Variants in PTPRB observed in about 807,000 individuals in gnomAD.
PTPRB encodes the protein receptor-type tyrosine-protein phosphatase beta.
Under a neutral mutation model 238.1 loss-of-function variants are expected in PTPRB, and 97 were observed. The ratio of observed to expected loss-of-function variants is 0.41; its 90% confidence interval spans 0.35 to 0.48. PTPRB has a LOEUF of 0.48. Among genes scored for constraint, PTPRB ranks in the 20% least tolerant of loss-of-function variants. The probability of loss-of-function intolerance (pLI) is 0.30; values close to 1 mark genes in which losing one functional copy is unlikely to be tolerated. For synonymous variants in PTPRB, 970 were observed against 995.4 expected (o/e 0.97, Z 0.48); for missense variants, 2,292 against 2,681.9 (o/e 0.85, Z 3.21).
rs766487100 is a variant in PTPRB at position 70,571,223 on chromosome 12, G to A, written c.3173C>T (p.Ser1058Leu). ...RSTEDLHVTW[S>L]GANGDVDQYE... ...TTGGTCGACATCCCCATTAGCTCCT[G>A]ACCAAGTCACATGCAAGTCCTCAGT... is the stretch of plus-strand genomic sequence containing the variant. The change falls in exon 13 of 34, where the codon TCA becomes TTA. Residue 1058 changes from serine to leucine, a missense_variant. Coordinates refer to ENST00000334414, the MANE Select transcript of PTPRB (RefSeq NM_001109754.4). The A allele has an allele frequency of 6.2e-7, 1 of 1,613,312 alleles. No individual in the cohort carries two copies. The highest frequency in any genetic ancestry group is 8.5e-7 in the Non-Finnish European group (1 of 1,179,300).
chr12:70,635,753 G>T lies in PTPRB; in HGVS notation c.369C>A (p.Ala123=). 1 of 1,613,838 alleles carries T rather than the reference G, an allele frequency of 6.2e-7. No homozygotes were observed. Among genetic ancestry groups the T allele is most frequent in the Non-Finnish European group, 8.5e-7 (1 of 1,179,862 alleles). ...TCATCCAGCTATGGAGGTATTTCCTGGCCTTCTTGACCACTACTCTGGAGC... is the reference window on the plus strand; with the variant it reads ...TCATCCAGCTATGGAGGTATTTCCTTGCCTTCTTGACCACTACTCTGGAGC... ...KQGSRVVVKK[A]RKYLHSWMKI... The change falls in exon 2 of 34, where the codon GCC becomes GCA. Residue 123 remains alanine (A), a synonymous_variant. Transcript: ENST00000334414.
At chr12:70,524,373 C>T in intron 33 of PTPRB, 98 bp downstream of exon 33, 1 of 1,332,444 alleles carries the variant, frequency 7.5e-7, no homozygotes, top group South Asian at 1.6e-5. Context: ...CCTCAGCCTC[C>T]CAAAGTGCTG....
At chr12:70,546,233 A>G (rs1003802055) in intron 21 of PTPRB, among the ~76,000 whole-genome samples, 1 of 152,050 alleles carries the variant, frequency 6.6e-6, no homozygotes, top group Admixed American at 6.5e-5. Context: ...ATTTACAACT[A>G]TCCAGCTGAC....
chr12:70,585,297 T>G (rs1238059269), intron 9 of PTPRB: 4 of 152,102 alleles, frequency 2.6e-5, no homozygotes, highest in Non-Finnish European at 5.9e-5. Flanking sequence ...CCAATTACAC[T>G]GAAAAAAATG....
At chr12:70,521,958 G>T (rs759839504) in intron 33 of PTPRB, among the ~76,000 whole-genome samples, 2 of 152,160 alleles carry the variant, frequency 1.3e-5, no homozygotes, top group Non-Finnish European at 2.9e-5. Context: ...CTCAGAACTT[G>T]CTCATACTGA....
intron 21 of PTPRB, among the ~76,000 whole-genome samples, chr12:70,547,369 G>A (rs1031351080): frequency 6.6e-6 from 1 of 152,196 alleles, no homozygotes; most frequent in African/African-American, 2.4e-5. Flanking sequence ...GCTAATTTTG[G>A]AAGGCAGCTA....
intron 4 of PTPRB, among the ~76,000 whole-genome samples, chr12:70,604,980 C>T (rs187825838): frequency 1.6e-4 from 25 of 152,190 alleles, no homozygotes; most frequent in African/African-American, 5.5e-4. Context: ...TTAAGACACT[C>T]CTAGTAAACC....
chr12:70,635,016 C>A (rs1359905347), intron 2 of PTPRB, among the ~76,000 whole-genome samples: 1 of 152,172 alleles, frequency 6.6e-6, no homozygotes, highest in Non-Finnish European at 1.5e-5. Flanking sequence ...GTGTCCTGCA[C>A]CAGGAGCTTG....
In PTPRB at chr12:70,590,121, G is replaced by GA. The variant is rs1882331217; in HGVS notation, c.1892dup (p.Asn632GlnfsTer2). The GA allele has an allele frequency of 6.2e-7, 1 of 1,613,772 alleles. No homozygotes were observed. Among genetic ancestry groups the GA allele is most frequent in the African/African-American group, 1.3e-5 (1 of 74,906 alleles). ...TGTTGAGCAGCACCACAGAATCATT[G>GA]AAGAGTAGGATCCGATACTGCTCCC... On this transcript the variant is annotated frameshift_variant, in exon 8 of 34. Transcript: ENST00000334414. LOFTEE classifies it high-confidence loss of function.
In PTPRB at chr12:70,516,621, A is replaced by G. The variant is rs911300346; in HGVS notation, c.*4868T>C. ...CACACAGCTATTAGAACATCTCAGC[A>G]TAACTGAACGTTTGTTCTTGGGGTG... On this transcript the variant is annotated 3_prime_UTR_variant, in exon 34 of 34. Coordinates refer to ENST00000334414, the MANE Select transcript of PTPRB (RefSeq NM_001109754.4). 1 of 152,252 alleles carries G rather than the reference A, an allele frequency of 6.6e-6. No individual in the cohort carries two copies. Among genetic ancestry groups the G allele is most frequent in the African/African-American group, 2.4e-5 (1 of 41,472 alleles). 9.4% of individuals were successfully genotyped at this position (152,252 alleles called of 1,614,324 possible). A position where few individuals can be genotyped will look rare whatever the true frequency, so the allele number is the denominator to read the frequency against.
chr12:70,602,591 G>C (rs1328870894), intron 4 of PTPRB, among the ~76,000 whole-genome samples: 1 of 152,160 alleles, frequency 6.6e-6, no homozygotes, highest in Middle Eastern at 3.2e-3. Flanking sequence ...ATTACTCAGA[G>C]ATGTAGACTG....
At chr12:70,555,436 G>T in intron 19 of PTPRB, 127 bp from the exon 20 acceptor site, 1 of 911,176 alleles carries the variant, frequency 1.1e-6, no homozygotes, top group Non-Finnish European at 1.6e-6. Flanking sequence ...GCGTGTGCCT[G>T]TGTTTAATGC....
rs1324955460 is a variant in PTPRB, at chr12:70,635,764, C to A, written c.358G>T (p.Val120Phe). 1 of 1,613,886 alleles carries A rather than the reference C, an allele frequency of 6.2e-7. No homozygotes were observed. ...FLQKQGSRVV[V>F]KKARKYLHSW... ...TGGAGGTATTTCCTGGCCTTCTTGACCACTACTCTGGAGCCTTGTTTCTGG... is the reference window on the plus strand; with the variant it reads ...TGGAGGTATTTCCTGGCCTTCTTGAACACTACTCTGGAGCCTTGTTTCTGG... The change falls in exon 2 of 34, where the codon GTC (valine) becomes TTC (phenylalanine). Residue 120 changes from valine (V) to phenylalanine (F), a missense_variant. Val to Phe is a conservative substitution (Grantham distance 50). Around this residue, in one of 4 missense-constraint regions of PTPRB, gnomAD observed 1,205 missense variants for 1,287.8 expected, o/e 0.94. Transcript: ENST00000334414.
At chr12:70,558,433 A>C (rs1268053694) in intron 18 of PTPRB, among the ~76,000 whole-genome samples, 1 of 152,210 alleles carries the variant, frequency 6.6e-6, no homozygotes, top group African/African-American at 2.4e-5. Context: ...GTATTTTATC[A>C]ACAACCAATA....
At chr12:70,627,697 C>T (rs1210921696) in intron 2 of PTPRB, among the ~76,000 whole-genome samples, 2 of 151,716 alleles carry the variant, frequency 1.3e-5, no homozygotes, top group South Asian at 2.1e-4. Context: ...TCATATAAAT[C>T]ATATATCAAT....
chr12:70,605,428 C>A (rs756599503), intron 4 of PTPRB, among the ~76,000 whole-genome samples: 8 of 152,202 alleles, frequency 5.3e-5, no homozygotes, highest in Non-Finnish European at 7.3e-5. Flanking sequence ...ATCTATCCAT[C>A]CATTTAATCA....
At chr12:70,572,790 A>G (rs1880232151) in intron 11 of PTPRB, among the ~76,000 whole-genome samples, 1 of 151,578 alleles carries the variant, frequency 6.6e-6, no homozygotes, top group South Asian at 2.1e-4. Context: ...AAAAAAAAAA[A>G]AAGAAAAGAA....
rs1407904233 is a variant in PTPRB at position 70,576,453 on chromosome 12, C to G, written c.2771G>C (p.Arg924Pro). The G allele has an allele frequency of 6.2e-7, 1 of 1,603,234 alleles. No individual in the cohort carries two copies. Among genetic ancestry groups the G allele is most frequent in the Non-Finnish European group, 8.5e-7 (1 of 1,174,796 alleles). ...ECSFSSLTPGRLYTVTITTRS... is the reference protein window; with the variant it reads ...ECSFSSLTPGPLYTVTITTRS... ...TGTAGTTATGGTCACGGTGTAGAGG[C>G]GGCCTGGGGTGAGGGAGCTGAAGGA... is the stretch of plus-strand genomic sequence containing the variant. Residue 924 changes from arginine (R) to proline (P), a missense_variant, in exon 11 of 34, where the codon CGC (arginine) becomes CCC (proline). Coordinates refer to ENST00000334414, the MANE Select transcript of PTPRB (RefSeq NM_001109754.4).
chr12:70,534,527 TTGA>T lies in PTPRB; in HGVS notation c.6326_6328del (p.Ile2109del), dbSNP rs752510580. The stretch of plus-strand genomic sequence containing the variant: ...AGTGGGCCCAGCACCCGGGCTTCTG[TTGA>T]TGTAGTCCCTGACAGTTCTCACAAA... On this transcript the variant is annotated inframe_deletion, in exon 31 of 34. Coordinates refer to ENST00000334414, the MANE Select transcript of PTPRB (RefSeq NM_001109754.4). 1.9e-6 allele frequency: 3 copies of T among 1,613,376 alleles called. No homozygotes were observed. Among genetic ancestry groups the T allele is most frequent in the Non-Finnish European group, 8.5e-7 (1 of 1,179,738 alleles).
Sources: gnomAD v4.1 joint callset for allele counts (sites outside exome capture counted in the v4.1 genomes callset) on GRCh38, gnomAD v4.1.1 for gene constraint, gnomAD v4.1.1 regional missense constraint, MANE v1.5 for transcripts, NCBI Gene and HGNC (gene_info 2026-07-23, HGNC 2026-07-21) for gene names.